ASIC4: variants seen among roughly 807,000 people sequenced by gnomAD.
ASIC4 encodes acid sensing ion channel subunit family member 4.
A neutral mutation model predicts 53.4 loss-of-function variants in ASIC4; 28 were observed. The ratio of observed to expected loss-of-function variants is 0.52; its 90% CI spans 0.39 to 0.72. The LOEUF (loss-of-function observed/expected upper bound fraction) is 0.72. ASIC4 is among the 30% of genes least tolerant of loss of function. The pLI, the probability that ASIC4 is intolerant of heterozygous loss-of-function variation, is 0.00. For synonymous variants in ASIC4, 289 were observed against 301.4 expected (o/e 0.96, Z 0.43); for missense variants, 649 against 729.7 (o/e 0.89, Z 1.27).
chr2:219,528,884 C>T (rs1284827750), intron 1 of ASIC4, among the ~76,000 whole-genome samples: 4 of 152,170 alleles, frequency 2.6e-5, no homozygotes, highest in Non-Finnish European at 5.9e-5. Flanking sequence ...AGTTCCTCCA[C>T]CTCCAGTGAC....
chr2:219,531,560 G>T (rs762889775), intron 1 of ASIC4, among the ~76,000 whole-genome samples, 198 bp from the exon 2 acceptor site: 22 of 152,192 alleles, frequency 1.4e-4, no homozygotes, highest in Non-Finnish European at 2.5e-4. Context: ...GGTTGGAGAT[G>T]CTTTCTAATC....
chr2:219,533,213 A>G, intron 5 of ASIC4: 5 of 549,446 alleles, frequency 9.1e-6, no homozygotes, highest in South Asian at 2.3e-5. Context: ...GGTTCAGCCA[A>G]TGAGCTCACC....
At chr2:219,522,146 G>C (rs1241693557) in intron 1 of ASIC4, among the ~76,000 whole-genome samples, 1 of 152,202 alleles carries the variant, frequency 6.6e-6, no homozygotes, top group Non-Finnish European at 1.5e-5. Flanking sequence ...GGGTTGGAGG[G>C]GGAGCAGTTC....
intron 1 of ASIC4, among the ~76,000 whole-genome samples, chr2:219,529,047 AT>A (rs1450662819): frequency 6.6e-6 from 1 of 152,184 alleles, no homozygotes; most frequent in East Asian, 1.9e-4. Flanking sequence ...CTTTAAAAAG[AT>A]CCCCCTGATT....
In ASIC4 at chr2:219,536,749, CAG is replaced by C. The variant is rs1695144344; in HGVS notation, c.1230-316_1230-315del. 6.6e-6 allele frequency among the ~76,000 whole-genome samples: 1 copy of C among 151,836 alleles called. No individual in the cohort carries two copies. Among genetic ancestry groups the C allele is most frequent in the South Asian group, 2.1e-4 (1 of 4,798 alleles). ...CATTGTGGAGTGGACTGACGGGCAA[CAG>C]GGGTCACTGAAGGGTCCGCAGAGGC... On this transcript the variant is annotated intron_variant, in intron 6 of 9. Coordinates refer to ENST00000358078, the MANE Select transcript of ASIC4 (RefSeq NM_018674.6). This position sits in a 1 kb window ranked among gnomAD's most constrained non-coding sequence, Gnocchi z 4.6.
rs750119991 is a variant in ASIC4 at position 219,537,352 on chromosome 2, T to TG, written c.1401+36dup. ...GGCCCTGGAGAAGGCAGGGTGGGAG[T>TG]GGGGGCCGTGGGCAAAGCAGAAGGG... is the stretch of plus-strand genomic sequence containing the variant. On this transcript the variant is annotated intron_variant, in intron 8 of 9. Coordinates refer to ENST00000358078, the MANE Select transcript of ASIC4 (RefSeq NM_018674.6). The surrounding 1 kb of genome is among the most constrained non-coding windows in gnomAD (Gnocchi z 4.9). 26 of 1,594,672 alleles carry TG rather than the reference T, an allele frequency of 1.6e-5. No homozygotes were observed. The African/African-American group carries it at 2.2e-4, about 13-fold the overall frequency.
chr2:219,507,779 G>C, the ASIC4 span, among the ~76,000 whole-genome samples: 10 of 152,168 alleles, frequency 6.6e-5, no homozygotes, highest in African/African-American at 2.4e-4. Context: ...AGAGAATGGG[G>C]GGTGCAGGGC....
In ASIC4 at chr2:219,516,293, C is replaced by T. The variant is rs1440837885; in HGVS notation, c.582+987C>T. On this transcript the variant is annotated intron_variant, in intron 1 of 9. Coordinates refer to ENST00000358078, the MANE Select transcript of ASIC4 (RefSeq NM_018674.6). The surrounding 1 kb of genome is among the most constrained non-coding windows in gnomAD (Gnocchi z 4.9). ...ATGACACCCCCACCCCCATCTATCC[C>T]AACCGCTGCTCCCCATTTGGAGACT... is the stretch of plus-strand genomic sequence containing the variant. 6.6e-6 allele frequency among the ~76,000 whole-genome samples: 1 copy of T among 152,170 alleles called. No homozygotes were observed. Among genetic ancestry groups the T allele is most frequent in the East Asian group, 1.9e-4 (1 of 5,204 alleles).
rs751525564 is a variant in ASIC4 at position 219,537,597 on chromosome 2, T to G, written c.1402-35T>G. The stretch of plus-strand genomic sequence containing the variant: ...CACGCTTCTCCTCAACCAAATTTCC[T>G]GAGCCCACTGCTGTCCCCGACCCTG... On this transcript the variant is annotated intron_variant, in intron 8 of 9. Coordinates refer to ENST00000358078, the MANE Select transcript of ASIC4 (RefSeq NM_018674.6). This position sits in a 1 kb window ranked among gnomAD's most constrained non-coding sequence, Gnocchi z 4.9. The G allele has an allele frequency of 6.4e-7, 1 of 1,572,844 alleles. No individual in the cohort carries two copies.
intron 6 of ASIC4, among the ~76,000 whole-genome samples, chr2:219,535,642 T>G (rs1420212508): frequency 6.6e-6 from 1 of 151,604 alleles, no homozygotes; most frequent in Non-Finnish European, 1.5e-5. Context: ...TGTGTGGGTC[T>G]GTGTGCGTGT....
At chr2:219,523,411 T>A (rs986687583) in intron 1 of ASIC4, among the ~76,000 whole-genome samples, 4 of 152,140 alleles carry the variant, frequency 2.6e-5, no homozygotes, top group Non-Finnish European at 5.9e-5. Flanking sequence ...GGCTCCCCTG[T>A]CCCTTCCACC....
At chr2:219,520,919 C>G (rs1694873621) in intron 1 of ASIC4, among the ~76,000 whole-genome samples, 1 of 152,236 alleles carries the variant, frequency 6.6e-6, no homozygotes, top group Non-Finnish European at 1.5e-5. Flanking sequence ...AGGAGCCCAG[C>G]ATGGCTGGGT....
chr2:219,530,905 C>T (rs1414100670), intron 1 of ASIC4, among the ~76,000 whole-genome samples: 1 of 152,140 alleles, frequency 6.6e-6, no homozygotes, highest in Non-Finnish European at 1.5e-5. Context: ...TTAGTGGTTT[C>T]ATTGGATCTG....
intron 1 of ASIC4, 115 bp downstream of exon 1, chr2:219,515,421 C>A: frequency 7.5e-7 from 1 of 1,329,824 alleles, no homozygotes; most frequent in Non-Finnish European, 1.0e-6. Context: ...TTCATTCCAC[C>A]ACCAGAGGCT....
intron 5 of ASIC4, 94 bp downstream of exon 5, chr2:219,533,033 C>A (rs1695068790): frequency 2.9e-6 from 4 of 1,362,824 alleles, no homozygotes; most frequent in Non-Finnish European, 4.2e-6. Flanking sequence ...CCCTCCCAAT[C>A]TCTTCCTGGA....
At position 219,537,891 on chromosome 2, in the gene ASIC4, T is replaced by C; in HGVS notation, c.1507-42T>C. ...CGGTGTGAGCCCTGGGGGCACCACTTGAGCTCTCCCGGTCCCACTCTCTCT... is the reference window on the plus strand; with the variant it reads ...CGGTGTGAGCCCTGGGGGCACCACTCGAGCTCTCCCGGTCCCACTCTCTCT... On this transcript the variant is annotated intron_variant, in intron 9 of 9. Transcript: ENST00000358078. This position sits in a 1 kb window ranked among gnomAD's most constrained non-coding sequence, Gnocchi z 4.9. The C allele has an allele frequency of 6.5e-7, 1 of 1,534,984 alleles. No individual in the cohort carries two copies. Among genetic ancestry groups the C allele is most frequent in the South Asian group, 1.2e-5 (1 of 84,038 alleles).
In ASIC4 at chr2:219,537,377, G is replaced by A. The variant is rs1475789024; in HGVS notation, c.1401+56G>A. 1 of 1,542,710 alleles carries A rather than the reference G, an allele frequency of 6.5e-7. No individual in the cohort carries two copies. The highest frequency in any genetic ancestry group is 8.8e-7 in the Non-Finnish European group (1 of 1,133,698). ...TGGGGGCCGTGGGCAAAGCAGAAGG[G>A]GGCAGTGCGGGGTGCCTGGTGGAGC... On this transcript the variant is annotated intron_variant, in intron 8 of 9. Transcript: ENST00000358078. This position sits in a 1 kb window ranked among gnomAD's most constrained non-coding sequence, Gnocchi z 4.9.
In ASIC4 at chr2:219,514,944, C is replaced by G. The variant is rs1399460714; in HGVS notation, c.220C>G (p.Leu74Val). 1 of 1,613,198 alleles carries G rather than the reference C, an allele frequency of 6.2e-7. No homozygotes were observed. Among genetic ancestry groups the G allele is most frequent in the Non-Finnish European group, 8.5e-7 (1 of 1,179,862 alleles). Reference protein sequence around the residue: ...GLRRTLWALALLTSLAAFLYQ... With the variant: ...GLRRTLWALAVLTSLAAFLYQ... ...GCGCAGAACCCTGTGGGCACTGGCCCTACTCACCTCGCTGGCTGCCTTCCT... is the reference window on the plus strand; with the variant it reads ...GCGCAGAACCCTGTGGGCACTGGCCGTACTCACCTCGCTGGCTGCCTTCCT... The change falls in exon 1 of 10, where the codon CTA becomes GTA. Residue 74 changes from leucine (L) to valine (V), a missense_variant. Physicochemically the swap from Leu to Val is conservative, Grantham distance 32. Coordinates refer to ENST00000358078, the MANE Select transcript of ASIC4 (RefSeq NM_018674.6).
intron 4 of ASIC4, 184 bp downstream of exon 4, chr2:219,532,661 C>A: frequency 1.1e-6 from 1 of 913,294 alleles, no homozygotes; most frequent in Non-Finnish European, 1.6e-6. Flanking sequence ...TGTGGGAATG[C>A]CGGCATGCAG....
Sources: gnomAD v4.1 joint callset for allele counts (sites outside exome capture counted in the v4.1 genomes callset) on GRCh38, gnomAD v4.1.1 for gene constraint, Gnocchi (gnomAD v3.1) non-coding constraint, MANE v1.5 for transcripts, NCBI Gene and HGNC (gene_info 2026-07-23, HGNC 2026-07-21) for gene names.